The following RSU1 variants were observed in gnomAD, a reference collection of about 807,000 sequenced individuals.
The protein encoded by RSU1 is rsu-1.
Under a neutral mutation model 31.1 loss-of-function variants are expected in RSU1, and 26 were observed. The ratio of observed to expected loss-of-function variants is 0.84; its 90% confidence interval spans 0.61 to 1.16. The LOEUF (loss-of-function observed/expected upper bound fraction) is 1.16, where lower values mean the gene tolerates loss of function less well. Among genes scored for constraint, RSU1 ranks in the 50% most tolerant of loss-of-function variants. The probability of loss-of-function intolerance (pLI) is 0.00; values close to 1 mark genes in which losing one functional copy is unlikely to be tolerated. For missense variants in RSU1, 320 were observed against 339.1 expected, an observed-to-expected ratio of 0.94 and a Z score of 0.44; for synonymous variants, 164 against 136.3, an observed-to-expected ratio of 1.20 and a Z score of -1.41.
intron 8 of RSU1, among the ~76,000 whole-genome samples, chr10:16,660,241 C>CA (rs1241605902): frequency 6.6e-6 from 1 of 152,172 alleles, no homozygotes; most frequent in Non-Finnish European, 1.5e-5. Context: ...GGGCATGACC[C>CA]AAACTCACTG....
At chr10:16,652,284 CTCT>C (rs1834698166) in intron 8 of RSU1, among the ~76,000 whole-genome samples, 1 of 150,788 alleles carries the variant, frequency 6.6e-6, no homozygotes, top group African/African-American at 2.4e-5. Flanking sequence ...AAACTTTTTC[CTCT>C]TCAAGAAGCA....
intron 8 of RSU1, among the ~76,000 whole-genome samples, chr10:16,661,481 A>G (rs371913971): frequency 1.1e-4 from 16 of 152,192 alleles, no homozygotes; most frequent in African/African-American, 3.9e-4. Context: ...TTTTAAATGT[A>G]GTTTCCATGA....
intron 8 of RSU1, among the ~76,000 whole-genome samples, chr10:16,662,373 CAT>C (rs780822341): frequency 1.6e-4 from 25 of 152,306 alleles, no homozygotes; most frequent in East Asian, 7.7e-4. Flanking sequence ...TGTGAACTAA[CAT>C]GTGTTTCTTT....
chr10:16,785,679 G>A (rs74228745), intron 2 of RSU1, among the ~76,000 whole-genome samples: 17,962 of 151,564 alleles, frequency 0.12, 1,545 homozygotes, highest in African/African-American at 0.23. Context: ...GTGGGGACAC[G>A]GATCCAAACC....
intron 2 of RSU1, among the ~76,000 whole-genome samples, chr10:16,814,513 T>C (rs2131282806): frequency 6.7e-6 from 1 of 150,234 alleles, no homozygotes; most frequent in South Asian, 2.1e-4. Flanking sequence ...CCATGTGAAG[T>C]ATTTTAATAC....
At chr10:16,741,099 G>A (rs747459086) in intron 7 of RSU1, among the ~76,000 whole-genome samples, 9 of 152,242 alleles carry the variant, frequency 5.9e-5, no homozygotes, top group South Asian at 2.1e-4. Context: ...TGTGGTACTC[G>A]CATAAGGATA....
chr10:16,599,533 A>G (rs2131455929), intron 8 of RSU1, among the ~76,000 whole-genome samples: 1 of 152,232 alleles, frequency 6.6e-6, no homozygotes, highest in South Asian at 2.1e-4. Context: ...CACCCTACTC[A>G]GCCCTGAACG....
chr10:16,725,784 A>T lies in RSU1; in HGVS notation c.598+26755T>A, dbSNP rs148725517. Reference sequence around the variant, plus strand: ...AATAAAGTTCTATTATTTATAAATTACCCAGTCTCAAGTATTTTGTGAAAC... The same window carrying T: ...AATAAAGTTCTATTATTTATAAATTTCCCAGTCTCAAGTATTTTGTGAAAC... On this transcript the variant is annotated intron_variant, in intron 7 of 8. Coordinates refer to ENST00000345264, the MANE Select transcript of RSU1 (RefSeq NM_012425.4). 1.7e-4 allele frequency among the ~76,000 whole-genome samples: 26 copies of T among 148,668 alleles called. 1 individual carries two copies. The East Asian group carries it at 4.9e-3, about 28-fold the overall frequency.
At chr10:16,605,822 G>C (rs1305301903) in intron 8 of RSU1, among the ~76,000 whole-genome samples, 1 of 152,138 alleles carries the variant, frequency 6.6e-6, no homozygotes, top group African/African-American at 2.4e-5. Flanking sequence ...GCCTTTTTGA[G>C]ACAGGGTCTC....
intron 7 of RSU1, among the ~76,000 whole-genome samples, chr10:16,713,319 G>A (rs552580116): frequency 1.1e-4 from 17 of 152,226 alleles, no homozygotes; most frequent in South Asian, 6.2e-4. Context: ...TTCTCCCTAC[G>A]AAGTTCCTAT....
chr10:16,655,813 G>A (rs1313602017), intron 8 of RSU1, among the ~76,000 whole-genome samples: 1 of 152,066 alleles, frequency 6.6e-6, no homozygotes, highest in African/African-American at 2.4e-5. Context: ...ATTTCTTTTA[G>A]ATACAATGCT....
In RSU1 at chr10:16,764,418, G is replaced by A. The variant is rs758718060; in HGVS notation, c.253C>T (p.Leu85Phe). 1.2e-6 allele frequency: 2 copies of A among 1,613,202 alleles called. No homozygotes were observed. The highest frequency in any genetic ancestry group is 2.2e-5 in the East Asian group (1 of 44,860). The change falls in exon 4 of 9, where the codon CTT (leucine) becomes TTT (phenylalanine). Residue 85 changes from leucine (L) to phenylalanine (F), a missense_variant. Leu to Phe is a conservative substitution (Grantham distance 22, BLOSUM62 0). Transcript: ENST00000345264. ...IEELPTQISS[L>F]QKLKHLNLGM... ...AGGTTCAGGTGTTTGAGTTTCTGAA[G>A]GCTACTGATCTGTGTGGGCAGCTCC...
intron 8 of RSU1, among the ~76,000 whole-genome samples, chr10:16,662,466 A>C (rs534521142): frequency 6.6e-6 from 1 of 152,222 alleles, no homozygotes; most frequent in East Asian, 1.9e-4. Flanking sequence ...CTGCCCATAG[A>C]CTTCTCTTTT....
chr10:16,783,595 C>T (rs1292621577), intron 2 of RSU1, among the ~76,000 whole-genome samples: 12 of 151,182 alleles, frequency 7.9e-5, no homozygotes, highest in Non-Finnish European at 4.4e-5. Flanking sequence ...ACTTCATGAT[C>T]CTCCCACCTT....
chr10:16,719,925 T>C (rs1229602666), intron 7 of RSU1, among the ~76,000 whole-genome samples: 2 of 152,256 alleles, frequency 1.3e-5, no homozygotes, highest in African/African-American at 4.8e-5. Flanking sequence ...CTAGCCCACA[T>C]GCTTTATGTA....
Position 16,759,376 on chromosome 10 carries a change from G to A in RSU1, c.282-4387C>T, listed in dbSNP as rs1429259239. 2.6e-5 allele frequency among the ~76,000 whole-genome samples: 4 copies of A among 151,970 alleles called. No homozygotes were observed. The East Asian group carries it at 5.8e-4, about 22-fold the overall frequency. On this transcript the variant is annotated intron_variant, in intron 4 of 8. Transcript: ENST00000345264. ...ACAAAAATCAGCATGGCGTGGTGGTGCGTACCTGTGGTCCCAGCTACTCAG... is the reference window on the plus strand; with the variant it reads ...ACAAAAATCAGCATGGCGTGGTGGTACGTACCTGTGGTCCCAGCTACTCAG...
chr10:16,788,931 A>G (rs1406544465), intron 2 of RSU1, among the ~76,000 whole-genome samples: 1 of 152,228 alleles, frequency 6.6e-6, no homozygotes, highest in Non-Finnish European at 1.5e-5. Flanking sequence ...GACAATTAGC[A>G]GTGTCTCACA....
chr10:16,655,436 C>T (rs1050847374), intron 8 of RSU1, among the ~76,000 whole-genome samples: 2 of 152,174 alleles, frequency 1.3e-5, no homozygotes, highest in African/African-American at 4.8e-5. Flanking sequence ...AGTTTGCTGA[C>T]CTACAAAGTG....
chr10:16,724,425 G>C (rs1419309528), intron 7 of RSU1, among the ~76,000 whole-genome samples: 3 of 152,224 alleles, frequency 2.0e-5, no homozygotes, highest in African/African-American at 7.2e-5. Context: ...ACCAAAATGA[G>C]GGAGGGCATT....
Sources: gnomAD v4.1 joint callset for allele counts (sites outside exome capture counted in the v4.1 genomes callset) on GRCh38, gnomAD v4.1.1 for gene constraint, MANE v1.5 for transcripts, NCBI Gene and HGNC (gene_info 2026-07-23, HGNC 2026-07-21) for gene names.